The following ATG7 variants were observed in gnomAD, a reference collection of about 807,000 sequenced individuals.
The protein encoded by ATG7 is autophagy related 7.
ATG7 carries 70 observed loss-of-function variants against 82.4 expected under a neutral mutation model. The ratio of observed to expected loss-of-function variants is 0.85; its 90% CI spans 0.70 to 1.04. The LOEUF (loss-of-function observed/expected upper bound fraction) is 1.04, where lower values mean the gene tolerates loss of function less well. ATG7 is among the 50% of genes least tolerant of loss of function. The probability of loss-of-function intolerance (pLI) is 0.00; values close to 1 mark genes in which losing one functional copy is unlikely to be tolerated. For synonymous variants in ATG7, 287 were observed against 313.0 expected (o/e 0.92, Z 0.88); for missense variants, 792 against 864.3 (o/e 0.92, Z 1.05).
At chr3:11,275,955 C>G (rs1000230200) in intron 1 of ATG7, among the ~76,000 whole-genome samples, 3 of 152,190 alleles carry the variant, frequency 2.0e-5, no homozygotes, top group African/African-American at 7.2e-5. Context: ...CTTGAGGACT[C>G]TAACCATGCA....
chr3:11,422,257 C>T (rs1049342702), intron 19 of ATG7, among the ~76,000 whole-genome samples: 1 of 152,200 alleles, frequency 6.6e-6, no homozygotes, highest in Admixed American at 6.5e-5. Flanking sequence ...CACTAGAAGA[C>T]GGTTTCATCT....
chr3:11,356,945 TTTGCTTGCCACTCTTTTTTA>T (rs1361596594), intron 14 of ATG7, among the ~76,000 whole-genome samples: 4 of 152,208 alleles, frequency 2.6e-5, no homozygotes, highest in Admixed American at 6.5e-5. Context: ...CCTTTCCTGC[TTTGCTTGCCACTCTTTTTTA>T]CATTCCTTTT....
chr3:11,371,729 A>T (rs2077008866), intron 18 of ATG7, among the ~76,000 whole-genome samples: 1 of 151,140 alleles, frequency 6.6e-6, no homozygotes, highest in Non-Finnish European at 1.5e-5. Flanking sequence ...TGATAGCATC[A>T]CCTGGGACAA....
At chr3:11,348,156 G>T (rs1255230700) in intron 14 of ATG7, 121 bp downstream of exon 14, 5 of 1,319,264 alleles carry the variant, frequency 3.8e-6, no homozygotes, top group Non-Finnish European at 4.1e-6. Flanking sequence ...CCAGCCACTC[G>T]CTATGTGGCT....
intron 7 of ATG7, among the ~76,000 whole-genome samples, chr3:11,310,602 A>G (rs910350151): frequency 6.6e-6 from 1 of 151,806 alleles, no homozygotes; most frequent in Non-Finnish European, 1.5e-5. Context: ...TTTGGCATTA[A>G]TAATCTGTCT....
chr3:11,460,025 C>A lies in ATG7; in HGVS notation c.2079+33099C>A, dbSNP rs552911111. Among the ~76,000 whole-genome samples the A allele has an allele frequency of 1.1e-4, 17 of 152,334 alleles. No homozygotes were observed. The South Asian group carries it at 3.3e-3, about 30-fold the overall frequency. On this transcript the variant is annotated intron_variant, in intron 20 of 20. Transcript: ENST00000693202. ...GTACAGAGATTTATCTTACTGCAGT[C>A]ACACAGCTCAGCATCCCAACTCTGG...
chr3:11,384,333 C>G (rs1261524351), intron 19 of ATG7, among the ~76,000 whole-genome samples: 2 of 152,162 alleles, frequency 1.3e-5, no homozygotes, highest in Non-Finnish European at 2.9e-5. Context: ...CCATCTGGGA[C>G]CTGCGCAGAT....
At chr3:11,319,414 GAA>G (rs1949904986) in intron 9 of ATG7, among the ~76,000 whole-genome samples, 2 of 152,120 alleles carry the variant, frequency 1.3e-5, no homozygotes, top group Admixed American at 1.3e-4. Context: ...TTTGTTCCCT[GAA>G]AAGTCACTGC....
In ATG7 at chr3:11,378,027, A is replaced by AT. The variant is rs61176051; in HGVS notation, c.1876-1927dup. Among the ~76,000 whole-genome samples the AT allele has an allele frequency of 5.6e-4, 52 of 92,728 alleles. 3 individuals are homozygous for AT. Among genetic ancestry groups the AT allele is most frequent in the East Asian group, 6.4e-4 (2 of 3,104 alleles). 60.8% of individuals were successfully genotyped at this position (92,728 alleles called of 152,430 possible). ...GCTATCTAACTTATACCAGTTACCA[A>AT]TTTTTTTTTTTTTTTTTTGAGATGG... On this transcript the variant is annotated intron_variant, in intron 18 of 20. Transcript: ENST00000693202.
intron 10 of ATG7, among the ~76,000 whole-genome samples, chr3:11,332,056 G>A (rs572521883): frequency 1.2e-4 from 19 of 152,246 alleles, no homozygotes; most frequent in Non-Finnish European, 2.6e-4. Flanking sequence ...TACCTACATA[G>A]ATAGAAGCAA....
chr3:11,380,014 A>G lies in ATG7; in HGVS notation c.1918A>G (p.Ser640Gly), dbSNP rs763974986. The change falls in exon 19 of 21, where the codon AGC becomes GGC. Residue 640 changes from serine to glycine, a missense_variant. Ser to Gly is a moderately conservative substitution (Grantham distance 56). Transcript: ENST00000693202. ...LSRFDNVLPV[S>G]LAFDKCTACS... ...ACGGTTTGATAATGTCCTTCCCGTCAGCCTGGCATTTGACAAATGTACAGC... is the reference window on the plus strand; with the variant it reads ...ACGGTTTGATAATGTCCTTCCCGTCGGCCTGGCATTTGACAAATGTACAGC... 4 of 1,614,184 alleles carry G rather than the reference A, an allele frequency of 2.5e-6. No homozygotes were observed. The South Asian group carries it at 3.3e-5, about 13-fold the overall frequency.
At chr3:11,285,205 A>G (rs1434814369) in intron 3 of ATG7, among the ~76,000 whole-genome samples, 6 of 122,544 alleles carry the variant, frequency 4.9e-5, no homozygotes, top group East Asian at 2.4e-4. Flanking sequence ...CCTGTGACAG[A>G]TTCTCACCCT....
intron 19 of ATG7, among the ~76,000 whole-genome samples, chr3:11,397,156 A>G (rs1357166572): frequency 1.3e-5 from 2 of 152,182 alleles, no homozygotes; most frequent in Non-Finnish European, 2.9e-5. Flanking sequence ...TTTTAAATTT[A>G]TATGCATTAT....
chr3:11,326,777 G>A (rs1950943716), intron 9 of ATG7, among the ~76,000 whole-genome samples: 1 of 152,170 alleles, frequency 6.6e-6, no homozygotes, highest in Non-Finnish European at 1.5e-5. Context: ...AAGAGCTCAA[G>A]GAAGACAACT....
At chr3:11,303,937 AAAAATT>A (rs2152701152) in intron 5 of ATG7, among the ~76,000 whole-genome samples, 1 of 145,914 alleles carries the variant, frequency 6.9e-6, no homozygotes, top group East Asian at 2.0e-4. Flanking sequence ...AAAAAAAAAA[AAAAATT>A]AGCCGGGCGT....
intron 19 of ATG7, among the ~76,000 whole-genome samples, chr3:11,417,800 A>ATTTTTT (rs1314378737): frequency 7.3e-5 from 8 of 109,348 alleles, no homozygotes; most frequent in African/African-American, 9.7e-5. Flanking sequence ...TATTATTATT[A>ATTTTTT]TTTTATTTTA....
At chr3:11,309,674 G>A (rs1317178233) in intron 7 of ATG7, among the ~76,000 whole-genome samples, 1 of 152,082 alleles carries the variant, frequency 6.6e-6, no homozygotes. Flanking sequence ...GCATGCATGC[G>A]CGTGTGTGCG....
chr3:11,341,603 A>G (rs1953643184), intron 12 of ATG7, among the ~76,000 whole-genome samples: 1 of 151,880 alleles, frequency 6.6e-6, no homozygotes, highest in African/African-American at 2.4e-5. Flanking sequence ...GCCTGCCACC[A>G]CACCTAGCTA....
rs1950135305 is a variant in ATG7 at position 11,320,959 on chromosome 3, C to G, written c.678+5466C>G. On this transcript the variant is annotated intron_variant, in intron 9 of 20. Transcript: ENST00000693202. The stretch of plus-strand genomic sequence containing the variant: ...ATTGTCTGTACACCTCAATTTATGT[C>G]TAATGAGTTACACACATGGTTACTG... Among the ~76,000 whole-genome samples the G allele has an allele frequency of 2.6e-5, 4 of 152,232 alleles. No homozygotes were observed. In the South Asian group the frequency reaches 8.3e-4, roughly 31 times the overall value.
Sources: gnomAD v4.1 joint callset for allele counts (sites outside exome capture counted in the v4.1 genomes callset) on GRCh38, gnomAD v4.1.1 for gene constraint, MANE v1.5 for transcripts, NCBI Gene and HGNC (gene_info 2026-07-23, HGNC 2026-07-21) for gene names.